CDC42BPA: variants seen among roughly 807,000 people sequenced by gnomAD.
The protein encoded by CDC42BPA is serine/threonine-protein kinase MRCK alpha.
Under a neutral mutation model 223.5 loss-of-function variants are expected in CDC42BPA, and 80 were observed. The ratio of observed to expected loss-of-function variants is 0.36; its 90% CI spans 0.30 to 0.43. The LOEUF (loss-of-function observed/expected upper bound fraction) is 0.43. CDC42BPA is among the 20% of genes least tolerant of loss of function. The pLI, the probability that CDC42BPA is intolerant of heterozygous loss-of-function variation, is 1.00. For synonymous variants in CDC42BPA, 694 were observed against 718.6 expected, an observed-to-expected ratio of 0.97 and a Z score of 0.55; for missense variants, 1,743 against 2,099.9, an observed-to-expected ratio of 0.83 and a Z score of 3.32.
At chr1:227,083,636 C>T (rs1263938388) in intron 16 of CDC42BPA, among the ~76,000 whole-genome samples, 1 of 152,026 alleles carries the variant, frequency 6.6e-6, no homozygotes. Context: ...TACTGCATGC[C>T]ACATATCGTG....
chr1:227,290,433 C>G (rs1453258869), intron 1 of CDC42BPA, among the ~76,000 whole-genome samples: 1 of 151,524 alleles, frequency 6.6e-6, no homozygotes, highest in Non-Finnish European at 1.5e-5. Context: ...AGACATAATA[C>G]TTTACTGTAC....
intron 1 of CDC42BPA, among the ~76,000 whole-genome samples, chr1:227,256,623 AAATT>A (rs767256818): frequency 7.2e-5 from 11 of 152,304 alleles, no homozygotes; most frequent in Non-Finnish European, 1.2e-4. Context: ...TGAATTTTTT[AAATT>A]AATTAAATAA....
At chr1:227,273,169 A>AT (rs1239753607) in intron 1 of CDC42BPA, among the ~76,000 whole-genome samples, 1 of 152,156 alleles carries the variant, frequency 6.6e-6, no homozygotes, top group East Asian at 1.9e-4. Context: ...ATGGTGGCGC[A>AT]TGCCTGTAAT....
At chr1:227,190,299 G>T (rs1669493692) in intron 5 of CDC42BPA, among the ~76,000 whole-genome samples, 1 of 152,136 alleles carries the variant, frequency 6.6e-6, no homozygotes, top group East Asian at 1.9e-4. Context: ...TTTTAATCTA[G>T]GCTATGCTAC....
Position 227,030,507 on chromosome 1 carries a change from A to G in CDC42BPA, c.3776-37T>C, listed in dbSNP as rs560854917. Reference sequence around the variant, plus strand: ...ATGAATGTGAAAGATTTTTATTAGGAAAAAAACCATGTAATGCTAATAAAC... The same window carrying G: ...ATGAATGTGAAAGATTTTTATTAGGGAAAAAACCATGTAATGCTAATAAAC... On this transcript the variant is annotated intron_variant, in intron 28 of 36. Transcript: ENST00000366766. 6.8e-6 allele frequency: 9 copies of G among 1,323,298 alleles called. No individual in the cohort carries two copies. In the African/African-American group the frequency reaches 7.5e-5, roughly 11 times the overall value. 82.0% of individuals were successfully genotyped at this position (1,323,298 alleles called of 1,614,324 possible).
intron 1 of CDC42BPA, among the ~76,000 whole-genome samples, chr1:227,316,498 G>A (rs772344188): frequency 6.6e-6 from 1 of 152,154 alleles, no homozygotes. Context: ...ATGTTTAGCA[G>A]TTTCCTTTCC....
chr1:227,116,608 T>C (rs187238922), intron 12 of CDC42BPA, among the ~76,000 whole-genome samples: 2 of 152,310 alleles, frequency 1.3e-5, no homozygotes, highest in Middle Eastern at 3.4e-3. Flanking sequence ...TGAAATTTTA[T>C]GGAAGAACAT....
In CDC42BPA at chr1:227,184,969, A is replaced by C. The variant is rs1668516096; in HGVS notation, c.599+8817T>G. Among the ~76,000 whole-genome samples, 3 of 152,170 alleles carry C rather than the reference A, an allele frequency of 2.0e-5. No individual in the cohort carries two copies. In the South Asian group the frequency reaches 6.2e-4, roughly 32 times the overall value. Reference sequence around the variant, plus strand: ...TGCATCATTTCCCTGCCTCCTTCAAAAGGGAGAAGGCTACTGGGGTAATTC... The same window carrying C: ...TGCATCATTTCCCTGCCTCCTTCAACAGGGAGAAGGCTACTGGGGTAATTC... On this transcript the variant is annotated intron_variant, in intron 5 of 36. Coordinates refer to ENST00000366766, the MANE Select transcript of CDC42BPA (RefSeq NM_001394014.1).
Position 227,035,543 on chromosome 1 carries a change from A to C in CDC42BPA, c.3264T>G (p.Pro1088=). ...TACCCAGGGGACCTTTTGTCTGTTC[A>C]GGAGGAACTGGACAAGTGGTTGGAG... ...NKAPTTCPVP[P]EQTKGPLGID... Residue 1088 remains proline (P), a synonymous_variant, in exon 25 of 37, where the codon CCT becomes CCG. Coordinates refer to ENST00000366766, the MANE Select transcript of CDC42BPA (RefSeq NM_001394014.1). 6.2e-7 allele frequency: 1 copy of C among 1,611,386 alleles called. No individual in the cohort carries two copies. Among genetic ancestry groups the C allele is most frequent in the Non-Finnish European group, 8.5e-7 (1 of 1,178,780 alleles).
At chr1:226,996,221 G>C (rs895445139) in intron 35 of CDC42BPA, among the ~76,000 whole-genome samples, 3 of 152,206 alleles carry the variant, frequency 2.0e-5, no homozygotes, top group Non-Finnish European at 4.4e-5. Context: ...GTATGATGGA[G>C]CTTGACAAAC....
chr1:227,204,938 T>TAA (rs138376118), intron 3 of CDC42BPA, among the ~76,000 whole-genome samples: 17 of 149,326 alleles, frequency 1.1e-4, no homozygotes, highest in African/African-American at 3.2e-4. Flanking sequence ...CCCATAAACT[T>TAA]AAAAAAAAAA....
intron 2 of CDC42BPA, among the ~76,000 whole-genome samples, chr1:227,216,037 G>A (rs1359027253): frequency 6.6e-6 from 1 of 151,908 alleles, no homozygotes; most frequent in Non-Finnish European, 1.5e-5. Context: ...AAATTACTGA[G>A]GAATGTTAAT....
chr1:227,278,266 T>C (rs571318020), intron 1 of CDC42BPA, among the ~76,000 whole-genome samples: 4 of 152,380 alleles, frequency 2.6e-5, no homozygotes, highest in South Asian at 2.1e-4. Context: ...TGTTTAATTA[T>C]AGGTTTAAAT....
chr1:227,060,689 A>G (rs1675701175), intron 21 of CDC42BPA, among the ~76,000 whole-genome samples: 2 of 151,688 alleles, frequency 1.3e-5, no homozygotes, highest in South Asian at 2.1e-4. Context: ...TAGTGTTACA[A>G]TAACTCTGGC....
intron 1 of CDC42BPA, among the ~76,000 whole-genome samples, chr1:227,282,588 GATAA>G (rs1269459201): frequency 1.3e-5 from 2 of 152,182 alleles, no homozygotes; most frequent in Admixed American, 1.3e-4. Flanking sequence ...TTTAAATGCA[GATAA>G]ATAATTTTTC....
intron 8 of CDC42BPA, among the ~76,000 whole-genome samples, chr1:227,143,279 T>C (rs1660037466): frequency 6.6e-6 from 1 of 152,224 alleles, no homozygotes; most frequent in Non-Finnish European, 1.5e-5. Flanking sequence ...TATTCATGTA[T>C]TCTGTATTTG....
chr1:227,072,094 G>C (rs1678506248), intron 20 of CDC42BPA, 114 bp downstream of exon 20: 1 of 603,322 alleles, frequency 1.7e-6, no homozygotes, highest in Non-Finnish European at 2.9e-6. Context: ...ATGAGTGCCA[G>C]AATTGCTTAT....
In CDC42BPA at chr1:227,059,613, T is replaced by G. The variant is rs182837729; in HGVS notation, c.2905-7628A>C. On this transcript the variant is annotated intron_variant, in intron 21 of 36. Transcript: ENST00000366766. ...ACAGTTGTTTGGACTACGTCTAAGG[T>G]TGACAAACTTTTCACTGGCCCATGT... is the stretch of plus-strand genomic sequence containing the variant. Among the ~76,000 whole-genome samples, 4 of 152,214 alleles carry G rather than the reference T, an allele frequency of 2.6e-5. No homozygotes were observed. In the South Asian group the frequency reaches 6.2e-4, roughly 24 times the overall value.
intron 1 of CDC42BPA, among the ~76,000 whole-genome samples, chr1:227,257,267 T>C (rs1261522422): frequency 1.3e-5 from 2 of 152,198 alleles, no homozygotes; most frequent in Non-Finnish European, 2.9e-5. Context: ...TATGTGATGG[T>C]TGTTACATAA....
Sources: gnomAD v4.1 joint callset for allele counts (sites outside exome capture counted in the v4.1 genomes callset) on GRCh38, gnomAD v4.1.1 for gene constraint, MANE v1.5 for transcripts, NCBI Gene and HGNC (gene_info 2026-07-23, HGNC 2026-07-21) for gene names.